The following PRKAG2 variants were observed in gnomAD, a reference collection of about 807,000 sequenced individuals.
PRKAG2 encodes the protein 5'-AMP-activated protein kinase subunit gamma-2.
Under a neutral mutation model 69.6 loss-of-function variants are expected in PRKAG2, and 26 were observed. That is an observed-to-expected ratio of 0.37 (90% CI 0.27 to 0.52). PRKAG2 has a LOEUF of 0.52. PRKAG2 is among the 20% of genes least tolerant of loss of function. PRKAG2 has a pLI of 0.90. For missense variants in PRKAG2, 557 were observed against 740.0 expected, an observed-to-expected ratio of 0.75 and a Z score of 2.87; for synonymous variants, 293 against 285.0, an observed-to-expected ratio of 1.03 and a Z score of -0.28.
chr7:151,601,141 C>T (rs1815973260), intron 5 of PRKAG2, among the ~76,000 whole-genome samples: 1 of 152,132 alleles, frequency 6.6e-6, no homozygotes, highest in South Asian at 2.1e-4. Context: ...CACAGGGGGA[C>T]ACAATGACCG....
At chr7:151,794,253 CA>C (rs1260982050) in intron 1 of PRKAG2, among the ~76,000 whole-genome samples, 1 of 152,260 alleles carries the variant, frequency 6.6e-6, no homozygotes, top group Non-Finnish European at 1.5e-5. Flanking sequence ...AGCTCCATAT[CA>C]GCACCAGACA....
At chr7:151,616,837 C>T (rs991489105) in intron 5 of PRKAG2, among the ~76,000 whole-genome samples, 3 of 152,192 alleles carry the variant, frequency 2.0e-5, no homozygotes, top group South Asian at 2.1e-4. Context: ...TCCCAAAGAA[C>T]ATGGCATGTT....
chr7:151,784,043 T>C (rs899380922), intron 2 of PRKAG2, among the ~76,000 whole-genome samples: 1 of 151,648 alleles, frequency 6.6e-6, no homozygotes, highest in Non-Finnish European at 1.5e-5. Flanking sequence ...AGGGTGGTCC[T>C]ATCACAAGGT....
At chr7:151,841,610 TAGTA>T (rs2079288816) in intron 1 of PRKAG2, among the ~76,000 whole-genome samples, 1 of 132,498 alleles carries the variant, frequency 7.5e-6, no homozygotes, top group Non-Finnish European at 1.6e-5. Context: ...TGGGTAGTGA[TAGTA>T]GGTAGGGATG....
intron 3 of PRKAG2, among the ~76,000 whole-genome samples, chr7:151,685,153 G>C (rs1159307070): frequency 6.6e-6 from 1 of 152,186 alleles, no homozygotes; most frequent in African/African-American, 2.4e-5. Context: ...CAGGGTGGGA[G>C]TGGCGAGGTC....
rs1806409505 is a variant in PRKAG2 at position 151,567,004 on chromosome 7, T to C, written c.1234-1119A>G. Among the ~76,000 whole-genome samples the C allele has an allele frequency of 6.6e-6, 1 of 152,216 alleles. No homozygotes were observed. Among genetic ancestry groups the C allele is most frequent in the Non-Finnish European group, 1.5e-5 (1 of 68,044 alleles). ...GGCAGAGGCAACTTCCTCTCCTTTT[T>C]ATAGAAGATAAAAATCTGAAGCAGC... On this transcript the variant is annotated intron_variant, in intron 11 of 15. Coordinates refer to ENST00000287878, the MANE Select transcript of PRKAG2 (RefSeq NM_016203.4). This position sits in a 1 kb window ranked among gnomAD's most constrained non-coding sequence, Gnocchi z 4.2.
chr7:151,674,568 CAG>C (rs963497885), intron 4 of PRKAG2, among the ~76,000 whole-genome samples: 4 of 152,136 alleles, frequency 2.6e-5, no homozygotes, highest in African/African-American at 4.8e-5. Context: ...TGTGTTGAAA[CAG>C]AGAGTGCTTA....
At chr7:151,572,593 GA>G (rs1807836445) in intron 9 of PRKAG2, 70 bp downstream of exon 9, 1 of 1,150,076 alleles carries the variant, frequency 8.7e-7, no homozygotes, top group African/African-American at 1.5e-5. Context: ...TCTGCAAAAT[GA>G]AAACATACTT....
intron 6 of PRKAG2, among the ~76,000 whole-genome samples, chr7:151,578,294 G>A (rs1429857337): frequency 2.0e-5 from 3 of 152,170 alleles, no homozygotes; most frequent in Admixed American, 1.3e-4. Context: ...GTAGTGAGCC[G>A]AGAACACGCC....
intron 6 of PRKAG2, among the ~76,000 whole-genome samples, chr7:151,592,010 C>A (rs1185963848): frequency 6.6e-6 from 1 of 152,184 alleles, no homozygotes; most frequent in Non-Finnish European, 1.5e-5. Context: ...AAGCCGAATG[C>A]TGAGCATGCA....
At chr7:151,690,312 G>T (rs892576159) in intron 3 of PRKAG2, among the ~76,000 whole-genome samples, 3 of 152,136 alleles carry the variant, frequency 2.0e-5, no homozygotes, top group African/African-American at 7.2e-5. Context: ...CTCGCTTCGC[G>T]GGGAGGGAGA....
intron 6 of PRKAG2, among the ~76,000 whole-genome samples, chr7:151,576,964 T>G (rs1481854817): frequency 7.0e-6 from 1 of 142,794 alleles, no homozygotes; most frequent in Non-Finnish European, 1.5e-5. Context: ...TTTTTGAAAT[T>G]GAAATAATGC....
Position 151,632,034 on chromosome 7 carries a change from G to T in PRKAG2, c.754+35C>A. On this transcript the variant is annotated intron_variant, in intron 5 of 15. Coordinates refer to ENST00000287878, the MANE Select transcript of PRKAG2 (RefSeq NM_016203.4). The surrounding 1 kb of genome is among the most constrained non-coding windows in gnomAD (Gnocchi z 4.2). ...CGGTCCTCGGGCGGCCGGGCCGTGG[G>T]AGCGCCGGGCCGGCAGCGGGCGGGG... The T allele has an allele frequency of 7.6e-7, 1 of 1,312,198 alleles. No homozygotes were observed. The allele number at this position is 1,312,198 out of a possible 1,614,324, so 81.3% of individuals were successfully genotyped here. A position where few individuals can be genotyped will look rare whatever the true frequency, so the allele number is the denominator to read the frequency against.
intron 1 of PRKAG2, among the ~76,000 whole-genome samples, chr7:151,866,694 G>A (rs897813555): frequency 6.6e-6 from 1 of 152,130 alleles, no homozygotes; most frequent in African/African-American, 2.4e-5. Flanking sequence ...TATGCTTCAA[G>A]CCCACCACCC....
At chr7:151,642,176 A>T (rs1585438638) in intron 4 of PRKAG2, among the ~76,000 whole-genome samples, 1 of 151,394 alleles carries the variant, frequency 6.6e-6, no homozygotes, top group East Asian at 1.9e-4. Context: ...TCTGCTAAAA[A>T]TACAGAAAAA....
chr7:151,722,011 C>T (rs533190490), intron 3 of PRKAG2, among the ~76,000 whole-genome samples: 22 of 152,294 alleles, frequency 1.4e-4, no homozygotes, highest in South Asian at 1.0e-3. Context: ...ATTCCTCAAG[C>T]GTGGCTGTGG....
intron 8 of PRKAG2, among the ~76,000 whole-genome samples, chr7:151,573,808 T>G (rs1808258339): frequency 6.6e-6 from 1 of 152,192 alleles, no homozygotes; most frequent in Non-Finnish European, 1.5e-5. Flanking sequence ...AGACAGAGTC[T>G]CCCTCTGTCG....
intron 4 of PRKAG2, among the ~76,000 whole-genome samples, chr7:151,650,142 G>A (rs1005019648): frequency 6.6e-5 from 10 of 152,134 alleles, no homozygotes; most frequent in African/African-American, 2.2e-4. Context: ...GATTGCCTGG[G>A]AGGTGGAGGC....
intron 1 of PRKAG2, among the ~76,000 whole-genome samples, chr7:151,799,404 A>G (rs1468307691): frequency 6.6e-6 from 1 of 152,226 alleles, no homozygotes; most frequent in Non-Finnish European, 1.5e-5. Context: ...CGGGCTGGCC[A>G]TCCCTCGCAC....
Sources: allele counts gnomAD v4.1 joint callset (sites outside exome capture counted in the v4.1 genomes callset), GRCh38; gene constraint gnomAD v4.1.1; non-coding constraint Gnocchi (gnomAD v3.1); transcripts MANE v1.5; gene names NCBI Gene and HGNC (gene_info 2026-07-23, HGNC 2026-07-21).